Variants in ORC1 observed in about 807,000 individuals in gnomAD.
The protein encoded by ORC1 is origin recognition complex, subunit 1 homolog.
Under a neutral mutation model 98.9 loss-of-function variants are expected in ORC1, and 61 were observed. The ratio of observed to expected loss-of-function variants is 0.62; its 90% CI spans 0.50 to 0.76. The LOEUF is 0.76. ORC1 is among the 30% of genes least tolerant of loss of function. The pLI is 0.00. For synonymous variants in ORC1, 385 were observed against 406.9 expected (o/e 0.95, Z 0.65); for missense variants, 979 against 1,072.2 (o/e 0.91, Z 1.21).
In ORC1 at chr1:52,388,598, C is replaced by A; in HGVS notation, c.1227G>T (p.Glu409Asp). 1 of 1,614,076 alleles carries A rather than the reference C, an allele frequency of 6.2e-7. No homozygotes were observed. The highest frequency in any genetic ancestry group is 8.5e-7 in the Non-Finnish European group (1 of 1,180,018). ...GNSKSDQEEK[E>D]ILPAAEISDS... ...CTGAAATCTCTGCTGCTGGCAGAAT[C>A]TCTTTCTCTTCTTGGTCACTTTTAC... Residue 409 changes from glutamate to aspartate, a missense_variant, in exon 8 of 17, where the codon GAG (glutamate) becomes GAT (aspartate). By Grantham distance (45) the Glu-to-Asp change is conservative (BLOSUM62 2). Coordinates refer to ENST00000371568, the MANE Select transcript of ORC1 (RefSeq NM_004153.4).
At chr1:52,395,246 A>C (rs1289418447) in intron 5 of ORC1, among the ~76,000 whole-genome samples, 1 of 152,218 alleles carries the variant, frequency 6.6e-6, no homozygotes, top group East Asian at 1.9e-4. Context: ...CCTTTTGGTA[A>C]GAAAACGAAA....
chr1:52,404,478 G>C (rs1274136822), upstream of ORC1: 1 of 330,542 alleles, frequency 3.0e-6, no homozygotes, highest in East Asian at 6.5e-5. Flanking sequence ...CCGTCCCTTC[G>C]TTGCGACACC....
upstream of ORC1, among the ~76,000 whole-genome samples, chr1:52,406,780 T>C (rs1453827529): frequency 1.3e-5 from 2 of 152,196 alleles, no homozygotes; most frequent in African/African-American, 4.8e-5. Context: ...TTCATTTCAC[T>C]TTCACAACAA....
Position 52,373,237 on chromosome 1 carries a change from G to T in ORC1, c.2530C>A (p.Arg844=), listed in dbSNP as rs766249973. The T allele has an allele frequency of 2.5e-6, 4 of 1,614,182 alleles. No homozygotes were observed. In the East Asian group the frequency reaches 8.9e-5, roughly 36 times the overall value. ...VEPSRNDLLL[R]VRLNVSQDDV... is the part of the protein sequence containing the mutation. ...TCCTGGCTGACGTTGAGCCGCACCC[G>T]AAGGAGCAGATCGTTCCTGCTGGGC... Residue 844 remains arginine, a synonymous_variant, in exon 17 of 17, where the codon CGG becomes AGG. Coordinates refer to ENST00000371568, the MANE Select transcript of ORC1 (RefSeq NM_004153.4).
At position 52,397,733 on chromosome 1, in the gene ORC1, C is replaced by T. The variant is rs201789258; in HGVS notation, c.354G>A (p.Pro118=). The part of the protein sequence containing the change: ...GAQEIFWYDY[P]ACDSNINAET... ...CCGCATTAATGTTGCTGTCACAGGC[C>T]GGGTAATCATACCAGAATATTTCCT... Residue 118 remains proline, a synonymous_variant, in exon 4 of 17, where the codon CCG becomes CCA. Coordinates refer to ENST00000371568, the MANE Select transcript of ORC1 (RefSeq NM_004153.4). 151 of 1,614,070 alleles carry T rather than the reference C, an allele frequency of 9.4e-5. No individual in the cohort carries two copies. The highest frequency in any genetic ancestry group is 4.5e-5 in the East Asian group (2 of 44,888).
intron 5 of ORC1, among the ~76,000 whole-genome samples, chr1:52,394,413 G>C (rs529184253): frequency 1.1e-4 from 17 of 152,192 alleles, no homozygotes; most frequent in Non-Finnish European, 2.2e-4. Flanking sequence ...AACAAAAGCT[G>C]AATGAGGCTC....
intron 16 of ORC1, among the ~76,000 whole-genome samples, chr1:52,374,003 CT>C: frequency 6.6e-6 from 1 of 152,334 alleles, no homozygotes; most frequent in South Asian, 2.1e-4. Flanking sequence ...ATCTATGAGT[CT>C]ATCCCCGTCC....
At chr1:52,381,343 G>A (rs1211552067) in intron 14 of ORC1, among the ~76,000 whole-genome samples, 1 of 152,128 alleles carries the variant, frequency 6.6e-6, no homozygotes, top group Non-Finnish European at 1.5e-5. Flanking sequence ...CCTACTAAGC[G>A]TTAAAGCCAG....
upstream of ORC1, chr1:52,408,864 GCTTCGTGTTGGC>G (rs1206946778): frequency 4.4e-6 from 3 of 686,892 alleles, no homozygotes; most frequent in Non-Finnish European, 6.9e-6. Context: ...CTGACTACTA[GCTTCGTGTTGGC>G]CTTACCCAGC....
upstream of ORC1, among the ~76,000 whole-genome samples, chr1:52,407,453 C>T (rs1648029813): frequency 6.6e-6 from 1 of 152,218 alleles, no homozygotes; most frequent in African/African-American, 2.4e-5. Context: ...GTAGCATTAT[C>T]TCCGTTTTAC....
At position 52,396,095 on chromosome 1, in the gene ORC1, A is replaced by C. The variant is rs143316520; in HGVS notation, c.672T>G (p.Thr224=). ...SRHSASKSRQ[T]PTHPLTPRAR... ...CTCTTGGGGTAAGAGGATGGGTAGGAGTTTGGCGAGATTTGGAGGCGGAGT... is the reference window on the plus strand; with the variant it reads ...CTCTTGGGGTAAGAGGATGGGTAGGCGTTTGGCGAGATTTGGAGGCGGAGT... Residue 224 remains threonine, a synonymous_variant, in exon 5 of 17, where the codon ACT becomes ACG. Coordinates refer to ENST00000371568, the MANE Select transcript of ORC1 (RefSeq NM_004153.4). The C allele has an allele frequency of 9.9e-6, 16 of 1,613,902 alleles. No homozygotes were observed. The highest frequency in any genetic ancestry group is 1.4e-5 in the Non-Finnish European group (16 of 1,180,008).
chr1:52,388,455 A>C lies in ORC1; in HGVS notation c.1370T>G (p.Val457Gly), dbSNP rs753899074. Reference protein sequence around the residue: ...LKSSLHTLTKVPKKSLKPRTP... With the variant: ...LKSSLHTLTKGPKKSLKPRTP... ...GAAGAACCTTACACTCTTCTTTGGCACCTTCGTGAGGGTATGTAAGGATGA... is the reference window on the plus strand; with the variant it reads ...GAAGAACCTTACACTCTTCTTTGGCCCCTTCGTGAGGGTATGTAAGGATGA... The change falls in exon 8 of 17, where the codon GTG becomes GGG. Residue 457 changes from valine to glycine, a missense_variant. Val to Gly is a moderately radical substitution (Grantham distance 109). Coordinates refer to ENST00000371568, the MANE Select transcript of ORC1 (RefSeq NM_004153.4). The C allele has an allele frequency of 1.9e-6, 3 of 1,613,894 alleles. No individual in the cohort carries two copies. The highest frequency in any genetic ancestry group is 2.5e-6 in the Non-Finnish European group (3 of 1,179,812).
In ORC1 at chr1:52,401,365, C is replaced by T. The variant is rs1647696865; in HGVS notation, c.220G>A (p.Asp74Asn). The T allele has an allele frequency of 1.2e-6, 2 of 1,614,018 alleles. No individual in the cohort carries two copies. The highest frequency in any genetic ancestry group is 1.3e-5 in the African/African-American group (1 of 74,924). Residue 74 changes from aspartate to asparagine, a missense_variant, in exon 3 of 17, where the codon GAT becomes AAT. Physicochemically the swap from Asp to Asn is conservative, Grantham distance 23. Transcript: ENST00000371568. ...ATTATTCCAGTCCCAAACTCACCAT[C>T]TTCGAACAACTCAAGCAATTTAGCA... ...YVAKLLELFE[D>N]DSDPPPKKRA... is the part of the protein sequence containing the mutation.
chr1:52,405,618 ACT>A, upstream of ORC1: 2 of 1,527,860 alleles, frequency 1.3e-6, no homozygotes, highest in Non-Finnish European at 1.8e-6. Context: ...GCTTGAACTA[ACT>A]CCACTCCAAC....
chr1:52,389,368 G>C (rs764077917), intron 6 of ORC1, 47 bp from the exon 7 acceptor site: 77 of 1,379,254 alleles, frequency 5.6e-5, no homozygotes, highest in Non-Finnish European at 7.2e-5. Flanking sequence ...TTGGATACCA[G>C]AGTGTACAAA....
At chr1:52,397,601 C>T (rs1257943109) in intron 4 of ORC1, 84 bp downstream of exon 4, 36 of 1,255,970 alleles carry the variant, frequency 2.9e-5, no homozygotes, top group South Asian at 3.6e-5. Flanking sequence ...GTATTAGAGC[C>T]GGTAATATTT....
chr1:52,396,048 C>T lies in ORC1; in HGVS notation c.719G>A (p.Gly240Asp). Residue 240 changes from glycine to aspartate, a missense_variant and splice_region_variant, in exon 5 of 17, where the codon GGC becomes GAC. Gly to Asp is a moderately conservative substitution (Grantham distance 94). Transcript: ENST00000371568. ...CGGTGATCCATTCCACAACTTACTG[C>T]CAAGCTCCAGCCTCTTTCTGGCTCT... Reference protein sequence around the residue: ...TPRARKRLELGNLGNPQMSQQ... With the variant: ...TPRARKRLELDNLGNPQMSQQ... 3 of 1,614,150 alleles carry T rather than the reference C, an allele frequency of 1.9e-6. No homozygotes were observed. The South Asian group carries it at 3.3e-5, about 18-fold the overall frequency.
upstream of ORC1, chr1:52,404,550 A>G (rs1647907459): frequency 3.7e-6 from 2 of 537,610 alleles, no homozygotes; most frequent in South Asian, 2.2e-5. Context: ...ATCCGCTAAC[A>G]TGCAGCCGCC....
At chr1:52,403,180 T>C (rs1028956935) in intron 1 of ORC1, among the ~76,000 whole-genome samples, 2 of 152,170 alleles carry the variant, frequency 1.3e-5, no homozygotes, top group African/African-American at 4.8e-5. Flanking sequence ...ATGGAGAAAA[T>C]AGAATCTTCC....
Sources: allele counts gnomAD v4.1 joint callset (sites outside exome capture counted in the v4.1 genomes callset), GRCh38; gene constraint gnomAD v4.1.1; transcripts MANE v1.5; gene names NCBI Gene and HGNC (gene_info 2026-07-23, HGNC 2026-07-21).